PTPRK: variants seen among roughly 807,000 people sequenced by gnomAD.
The protein encoded by PTPRK is protein tyrosine phosphatase receptor type K, also known as receptor-type tyrosine-protein phosphatase kappa.
A neutral mutation model predicts 178.0 loss-of-function variants in PTPRK; 75 were observed. That is an observed-to-expected ratio of 0.42 (90% CI 0.35 to 0.51). The LOEUF (loss-of-function observed/expected upper bound fraction) is 0.51, where lower values mean the gene tolerates loss of function less well. Ranked by LOEUF, PTPRK falls within the 20% of genes least tolerant of loss-of-function variation. The pLI is 0.02. For synonymous variants in PTPRK, 637 were observed against 620.6 expected (o/e 1.03, Z -0.39); for missense variants, 1,441 against 1,797.8 (o/e 0.80, Z 3.59).
rs570247991 is a variant in PTPRK, at chr6:128,516,036, G to C, written c.100+4223C>G. On this transcript the variant is annotated intron_variant, in intron 1 of 29. Coordinates refer to ENST00000368226, the MANE Select transcript of PTPRK (RefSeq NM_002844.4). ...TTGCTAGAAATATGAGATTTGGTGG[G>C]AATGTTGGCATTAGCTTTGGTTAGT... 3.5e-4 allele frequency among the ~76,000 whole-genome samples: 54 copies of C among 152,276 alleles called. No homozygotes were observed. In the South Asian group the frequency reaches 0.011, roughly 31 times the overall value.
At chr6:128,001,162 A>G in intron 15 of PTPRK, 6 of 1,470,834 alleles carry the variant, frequency 4.1e-6, no homozygotes, top group Non-Finnish European at 5.5e-6. Flanking sequence ...TCCTTGATTG[A>G]AAGGTTTTCT....
At chr6:128,220,163 A>G (rs1412501429) in intron 5 of PTPRK, among the ~76,000 whole-genome samples, 1 of 152,240 alleles carries the variant, frequency 6.6e-6, no homozygotes, top group Non-Finnish European at 1.5e-5. Context: ...CATCATATAT[A>G]AAGGGGAAAA....
chr6:128,217,755 T>C (rs952732305), intron 6 of PTPRK, among the ~76,000 whole-genome samples: 7 of 152,210 alleles, frequency 4.6e-5, no homozygotes, highest in African/African-American at 1.2e-4. Flanking sequence ...TCTACATCCA[T>C]ACCCCTACTT....
At chr6:128,370,034 C>T (rs1379936503) in intron 2 of PTPRK, among the ~76,000 whole-genome samples, 3 of 152,026 alleles carry the variant, frequency 2.0e-5, no homozygotes, top group Non-Finnish European at 2.9e-5. Flanking sequence ...CTTGAATGGA[C>T]AGGATACAAT....
At chr6:128,028,658 T>C (rs1270792658) in intron 13 of PTPRK, among the ~76,000 whole-genome samples, 2 of 152,214 alleles carry the variant, frequency 1.3e-5, no homozygotes, top group Non-Finnish European at 2.9e-5. Context: ...ACTTCAACTA[T>C]CAGGTTCTTT....
At chr6:128,028,065 T>C (rs1395872837) in intron 13 of PTPRK, 1 of 152,206 alleles carries the variant, frequency 6.6e-6, no homozygotes, top group Non-Finnish European at 1.5e-5. Flanking sequence ...ATCATTGTTC[T>C]TCTTAATAGC....
intron 5 of PTPRK, among the ~76,000 whole-genome samples, chr6:128,236,515 ATTT>A (rs945705418): frequency 4.0e-5 from 6 of 151,518 alleles, no homozygotes; most frequent in African/African-American, 1.5e-4. Context: ...CGCCCGGCTA[ATTT>A]TTGTATTTTT....
chr6:128,370,470 T>C (rs1836119447), intron 2 of PTPRK, among the ~76,000 whole-genome samples: 1 of 152,098 alleles, frequency 6.6e-6, no homozygotes, highest in Non-Finnish European at 1.5e-5. Context: ...CTTTAGGGTC[T>C]CAAATATTTT....
chr6:128,087,221 T>C (rs1786025291), intron 8 of PTPRK, among the ~76,000 whole-genome samples: 1 of 152,078 alleles, frequency 6.6e-6, no homozygotes, highest in Non-Finnish European at 1.5e-5. Flanking sequence ...TAACAAACCA[T>C]ATCCAAAAAT....
chr6:128,352,977 G>C (rs563278063), intron 2 of PTPRK, among the ~76,000 whole-genome samples: 22 of 152,014 alleles, frequency 1.4e-4, no homozygotes, highest in African/African-American at 5.3e-4. Flanking sequence ...CAAACTCACA[G>C]TTATTTACCA....
At chr6:128,498,770 G>C (rs960612242) in intron 1 of PTPRK, among the ~76,000 whole-genome samples, 1 of 152,122 alleles carries the variant, frequency 6.6e-6, no homozygotes, top group Non-Finnish European at 1.5e-5. Flanking sequence ...TACCCACATA[G>C]ATAGATAAAT....
chr6:128,278,137 T>C (rs1202780668), intron 3 of PTPRK, among the ~76,000 whole-genome samples: 1 of 147,704 alleles, frequency 6.8e-6, no homozygotes, highest in Non-Finnish European at 1.5e-5. Flanking sequence ...ATTTATTTAT[T>C]TATTTATTTA....
chr6:128,000,991 T>C (rs1041606608), intron 15 of PTPRK, among the ~76,000 whole-genome samples: 1 of 152,036 alleles, frequency 6.6e-6, no homozygotes, highest in South Asian at 2.1e-4. Flanking sequence ...TTTAATACAG[T>C]AGTACAATGA....
chr6:128,149,907 T>C (rs1336159262), intron 7 of PTPRK, among the ~76,000 whole-genome samples: 2 of 152,128 alleles, frequency 1.3e-5, no homozygotes, highest in Non-Finnish European at 2.9e-5. Flanking sequence ...TTCCAACTAA[T>C]TGTAGATGTT....
At chr6:128,090,095 T>C in intron 7 of PTPRK, 103 bp from the exon 8 acceptor site, 1 of 918,258 alleles carries the variant, frequency 1.1e-6, no homozygotes, top group Non-Finnish European at 1.6e-6. Context: ...ATCTAGAAAA[T>C]GTGGAAGTCA....
rs74524033 is a variant in PTPRK, at chr6:128,279,969, G to C, written c.496-37367C>G. Among the ~76,000 whole-genome samples the C allele has an allele frequency of 3.4e-3, 519 of 152,232 alleles. 2 individuals are homozygous for C. The highest frequency in any genetic ancestry group is 0.012 in the African/African-American group (495 of 41,560). On this transcript the variant is annotated intron_variant, in intron 3 of 29. Coordinates refer to ENST00000368226, the MANE Select transcript of PTPRK (RefSeq NM_002844.4). Reference sequence around the variant, plus strand: ...TGTTAATCACTGACTTACTAGAACAGACCCATTGGACATGCATGTGTGTAT... The same window carrying C: ...TGTTAATCACTGACTTACTAGAACACACCCATTGGACATGCATGTGTGTAT...
chr6:127,974,416 A>G (rs900538130), intron 27 of PTPRK, among the ~76,000 whole-genome samples: 2 of 152,142 alleles, frequency 1.3e-5, no homozygotes, highest in South Asian at 2.1e-4. Flanking sequence ...GGGACTTTGC[A>G]TATACTGTAT....
chr6:128,146,221 G>A (rs930770013), intron 7 of PTPRK, among the ~76,000 whole-genome samples: 1 of 152,164 alleles, frequency 6.6e-6, no homozygotes, highest in African/African-American at 2.4e-5. Context: ...AAAGGGGCAT[G>A]AAGGAATATT....
chr6:128,518,123 A>G (rs1029371074), intron 1 of PTPRK, among the ~76,000 whole-genome samples: 2 of 152,258 alleles, frequency 1.3e-5, no homozygotes, highest in African/African-American at 4.8e-5. Context: ...AATAAAAGAC[A>G]TTCATTTCTG....
Sources: gnomAD v4.1 joint callset for allele counts (sites outside exome capture counted in the v4.1 genomes callset) on GRCh38, gnomAD v4.1.1 for gene constraint, MANE v1.5 for transcripts, NCBI Gene and HGNC (gene_info 2026-07-23, HGNC 2026-07-21) for gene names.